Variants in NLRP2 observed in about 807,000 individuals in gnomAD.
The protein encoded by NLRP2 is NLR family pyrin domain containing 2, also known as NACHT, LRR and PYD domains-containing protein 2.
In NLRP2, 107 loss-of-function variants were observed where a neutral mutation model predicts 97.2. The ratio of observed to expected loss-of-function variants is 1.10; its 90% CI spans 0.94 to 1.29. The LOEUF (loss-of-function observed/expected upper bound fraction) is 1.29, where lower values mean the gene tolerates loss of function less well. Among genes scored for constraint, NLRP2 ranks in the 50% most tolerant of loss-of-function variants. NLRP2 has a pLI of 0.00. For missense variants in NLRP2, 1,495 were observed against 1,330.3 expected (o/e 1.12, Z -1.93); for synonymous variants, 663 against 551.5 (o/e 1.20, Z -2.83).
intron 3 of NLRP2, chr19:54,976,895 A>T: frequency 2.5e-6 from 1 of 403,214 alleles, no homozygotes. Context: ...GCTCACTGCA[A>T]TCTCCGCCTC....
chr19:54,978,032 A>G (rs1243507667), intron 4 of NLRP2, among the ~76,000 whole-genome samples: 1 of 152,090 alleles, frequency 6.6e-6, no homozygotes, highest in Non-Finnish European at 1.5e-5. Context: ...CTCAGTTTGT[A>G]GAAAGTTAGG....
chr19:54,993,918 A>G (rs1209163220), intron 10 of NLRP2: 1 of 370,806 alleles, frequency 2.7e-6, no homozygotes, highest in East Asian at 5.7e-5. Context: ...AGCATCTTCA[A>G]ACGTTGCCCT....
At position 54,974,519 on chromosome 19, in the gene NLRP2, T is replaced by C; in HGVS notation, c.300T>C (p.Phe100=). Residue 100 remains phenylalanine (F), a synonymous_variant, in exon 3 of 13, where the codon TTT becomes TTC. Transcript: ENST00000448584. Reference sequence around the variant, plus strand: ...TTTCAGAAGCAGCTTTGAAATCCTTTAATAAAAGGAAGCCTCTATCATTAG... The same window carrying C: ...TTTCAGAAGCAGCTTTGAAATCCTTCAATAAAAGGAAGCCTCTATCATTAG... ...DEVREAALKS[F]NKRKPLSLGI... is the part of the protein sequence containing the mutation. The C allele has an allele frequency of 1.2e-6, 2 of 1,611,590 alleles. No homozygotes were observed. The highest frequency in any genetic ancestry group is 1.7e-6 in the Non-Finnish European group (2 of 1,177,702).
At chr19:54,977,055 C>T (rs112862113) in intron 3 of NLRP2, 22 of 302,290 alleles carry the variant, frequency 7.3e-5, no homozygotes, top group African/African-American at 3.9e-4. Flanking sequence ...CCTCATGATC[C>T]GCCTGCCTTG....
chr19:54,995,187 CTTTTT>C (rs34168825), intron 11 of NLRP2, among the ~76,000 whole-genome samples: 2 of 87,226 alleles, frequency 2.3e-5, no homozygotes, highest in Non-Finnish European at 2.2e-5. Flanking sequence ...GTGGGTGCCT[CTTTTT>C]TTTTTTTTTT....
intron 4 of NLRP2, 137 bp downstream of exon 4, chr19:54,977,960 G>A (rs1304856812): frequency 1.2e-5 from 10 of 813,448 alleles, no homozygotes; most frequent in South Asian, 8.6e-5. Context: ...CTGTCTCCTG[G>A]AGAATGCCAA....
At chr19:54,995,604 G>A (rs2072763602) in intron 11 of NLRP2, among the ~76,000 whole-genome samples, 2 of 151,948 alleles carry the variant, frequency 1.3e-5, no homozygotes, top group Non-Finnish European at 2.9e-5. Context: ...TAAAAAAGAG[G>A]TAGGAATTAG....
rs61212213 is a variant in NLRP2, at chr19:54,968,701, C to CTTTTTTTTTTTTTTTTTT, written c.-17-1286_-17-1285insTTTTTTTTTTTTTTTTTT. Among the ~76,000 whole-genome samples the CTTTTTTTTTTTTTTTTTT allele has an allele frequency of 4.3e-3, 486 of 114,118 alleles. 34 individuals are homozygous for CTTTTTTTTTTTTTTTTTT. The highest frequency in any genetic ancestry group is 8.1e-3 in the East Asian group (31 of 3,832). 74.9% of individuals were successfully genotyped at this position (114,118 alleles called of 152,430 possible). On this transcript the variant is annotated intron_variant, in intron 1 of 12. Transcript: ENST00000448584. ...CTCCACCACTAAGTTATCTTTAAGC[C>CTTTTTTTTTTTTTTTTTT]TTTTTTTTTTTTGAGACAGTTTCAC...
At chr19:54,970,727 A>G (rs1194201374) in intron 2 of NLRP2, among the ~76,000 whole-genome samples, 1 of 147,228 alleles carries the variant, frequency 6.8e-6, no homozygotes, top group African/African-American at 2.5e-5. Flanking sequence ...CTGGATCTTC[A>G]TAAACCCTGG....
intron 10 of NLRP2, 115 bp from the exon 11 acceptor site, chr19:54,994,154 C>A: frequency 8.9e-7 from 1 of 1,118,150 alleles, no homozygotes; most frequent in Non-Finnish European, 1.4e-6. Flanking sequence ...GATTCCATTT[C>A]CATGTCACCA....
chr19:54,984,329 G>GTGTGTTGTTTTT, intron 6 of NLRP2, among the ~76,000 whole-genome samples: 1 of 79,670 alleles, frequency 1.3e-5, no homozygotes, highest in African/African-American at 4.6e-5. Flanking sequence ...TTTTTTTTGT[G>GTGTGTTGTTTTT]TTTTTTTTTT....
rs1189017567 is a variant in NLRP2 at position 54,997,307 on chromosome 19, GT to G, written c.2880-7del. ...GCTGCATTAACGTGTTGATTTCTGTGTTTCCCCAGGTTGTGGGGATGTTCCA... is the reference window on the plus strand; with the variant it reads ...GCTGCATTAACGTGTTGATTTCTGTGTTCCCCAGGTTGTGGGGATGTTCCA... On this transcript the variant is annotated splice_polypyrimidine_tract_variant and intron_variant, in intron 11 of 12. Transcript: ENST00000448584. 1.2e-6 allele frequency: 2 copies of G among 1,613,092 alleles called. No individual in the cohort carries two copies. The highest frequency in any genetic ancestry group is 2.2e-5 in the South Asian group (2 of 91,034).
chr19:54,999,758 C>T (rs1019335944), intron 12 of NLRP2, among the ~76,000 whole-genome samples: 2 of 151,938 alleles, frequency 1.3e-5, no homozygotes, highest in African/African-American at 4.8e-5. Context: ...ATTTTTTAGA[C>T]AAAAATCTCA....
chr19:54,990,362 T>G, intron 9 of NLRP2, 140 bp from the exon 10 acceptor site: 1 of 1,104,550 alleles, frequency 9.1e-7, no homozygotes, highest in Non-Finnish European at 1.4e-6. Flanking sequence ...TCATTCCTAT[T>G]CCTTCATAGG....
chr19:54,989,706 G>A (rs1671222), intron 8 of NLRP2: 7,478 of 469,478 alleles, frequency 0.016, 451 homozygotes, highest in African/African-American at 0.13. Context: ...TTGTTCTGCC[G>A]GGCGCGGTGG....
At chr19:54,983,882 GCT>G (rs1489299183) in intron 6 of NLRP2, among the ~76,000 whole-genome samples, 154 bp downstream of exon 6, 1 of 152,180 alleles carries the variant, frequency 6.6e-6, no homozygotes, top group Non-Finnish European at 1.5e-5. Context: ...ATGGAGTCTT[GCT>G]CTGTCGCTCA....
intron 11 of NLRP2, among the ~76,000 whole-genome samples, chr19:54,995,958 TG>T (rs1410118573): frequency 6.8e-6 from 1 of 147,472 alleles, no homozygotes; most frequent in African/African-American, 2.5e-5. Context: ...GAGGATCACT[TG>T]AGCCTGGGAG....
In NLRP2 at chr19:54,990,165, A is replaced by C. The variant is rs2072372639; in HGVS notation, c.2510A>C (p.His837Pro). The C allele has an allele frequency of 6.2e-7, 1 of 1,613,946 alleles. No individual in the cohort carries two copies. The change falls in exon 9 of 13, where the codon CAC (histidine) becomes CCC (proline). Residue 837 changes from histidine to proline, a missense_variant. Physicochemically the swap from His to Pro is moderately conservative, Grantham distance 77. Transcript: ENST00000448584. Reference sequence around the variant, plus strand: ...AAGTTGCTGTACACAACTTTGAGACACCCCAAGTGCTTTCTGCAGAGGTTG... The same window carrying C: ...AAGTTGCTGTACACAACTTTGAGACCCCCCAAGTGCTTTCTGCAGAGGTTG... Reference protein sequence around the residue: ...GAKLLYTTLRHPKCFLQRLSL... With the variant: ...GAKLLYTTLRPPKCFLQRLSL...
intron 11 of NLRP2, among the ~76,000 whole-genome samples, chr19:54,994,756 G>A (rs1322181628): frequency 1.3e-5 from 2 of 151,486 alleles, no homozygotes; most frequent in South Asian, 2.1e-4. Flanking sequence ...GATTACAGGC[G>A]CCCGCCACCA....
Sources: allele counts gnomAD v4.1 joint callset (sites outside exome capture counted in the v4.1 genomes callset), GRCh38; gene constraint gnomAD v4.1.1; transcripts MANE v1.5; gene names NCBI Gene and HGNC (gene_info 2026-07-23, HGNC 2026-07-21).